The following ANO2 variants were observed in gnomAD, a reference collection of about 807,000 sequenced individuals.
The protein encoded by ANO2 is anoctamin-2.
Under a neutral mutation model 124.2 loss-of-function variants are expected in ANO2, and 101 were observed. That is an observed-to-expected ratio of 0.81 (90% CI 0.69 to 0.96). ANO2 has a LOEUF of 0.96. ANO2 is among the 40% of genes least tolerant of loss of function. ANO2 has a pLI of 0.00. For synonymous variants in ANO2, 486 were observed against 482.5 expected (o/e 1.01, Z -0.09); for missense variants, 1,293 against 1,274.5 (o/e 1.01, Z -0.22).
At chr12:5,916,414 T>C (rs1395529251) in intron 3 of ANO2, among the ~76,000 whole-genome samples, 1 of 144,614 alleles carries the variant, frequency 6.9e-6, no homozygotes, top group Non-Finnish European at 1.5e-5. Flanking sequence ...TAAGAATGCA[T>C]ACAGTTCTGA....
At chr12:5,576,350 G>A (rs1393075517) in intron 22 of ANO2, among the ~76,000 whole-genome samples, 2 of 152,150 alleles carry the variant, frequency 1.3e-5, no homozygotes, top group Non-Finnish European at 1.5e-5. Flanking sequence ...CAGGGTGCAC[G>A]CTTTCCTGAA....
At position 5,914,576 on chromosome 12, in the gene ANO2, G is replaced by A. The variant is rs138383373; in HGVS notation, c.534+6464C>T. ...AAGAACAGCCCGTAGACCTGCTGGC[G>A]ATGCCAGGCCACGCTGAATTTTAAA... is the stretch of plus-strand genomic sequence containing the variant. On this transcript the variant is annotated intron_variant, in intron 3 of 24. Coordinates refer to ENST00000682330, the MANE Select transcript of ANO2 (RefSeq NM_001364791.2). Among the ~76,000 whole-genome samples the A allele has an allele frequency of 3.1e-3, 465 of 152,268 alleles. 2 individuals are homozygous for A. Among genetic ancestry groups the A allele is most frequent in the South Asian group, 0.018 (86 of 4,820 alleles).
chr12:5,860,442 T>C (rs1955229916), intron 3 of ANO2, among the ~76,000 whole-genome samples: 1 of 152,178 alleles, frequency 6.6e-6, no homozygotes, highest in African/African-American at 2.4e-5. Context: ...GCCACCACAG[T>C]ACCTGACGTA....
At position 5,806,038 on chromosome 12, in the gene ANO2, C is replaced by T. The variant is rs375699786; in HGVS notation, c.990+14G>A. 108 of 1,613,138 alleles carry T rather than the reference C, an allele frequency of 6.7e-5. No individual in the cohort carries two copies. The highest frequency in any genetic ancestry group is 8.9e-5 in the East Asian group (4 of 44,840). On this transcript the variant is annotated intron_variant, in intron 9 of 24. Coordinates refer to ENST00000682330, the MANE Select transcript of ANO2 (RefSeq NM_001364791.2). Reference sequence around the variant, plus strand: ...CATGCCCAAAGTCCAGGATGCTGCACGAGGCAGGCTTACCTTCCTGTCATT... The same window carrying T: ...CATGCCCAAAGTCCAGGATGCTGCATGAGGCAGGCTTACCTTCCTGTCATT...
At chr12:5,597,663 C>T (rs530381752) in intron 20 of ANO2, among the ~76,000 whole-genome samples, 10 of 152,278 alleles carry the variant, frequency 6.6e-5, no homozygotes, top group East Asian at 1.9e-4. Flanking sequence ...TTGGTGGCGA[C>T]GGAAGTGGGA....
chr12:5,774,039 C>T (rs1952158783), intron 10 of ANO2, among the ~76,000 whole-genome samples: 2 of 152,212 alleles, frequency 1.3e-5, no homozygotes, highest in South Asian at 4.1e-4. Flanking sequence ...TCCTTCCAAA[C>T]TGAAAAGCAG....
At chr12:5,656,536 T>C (rs1947164858) in intron 14 of ANO2, among the ~76,000 whole-genome samples, 1 of 152,168 alleles carries the variant, frequency 6.6e-6, no homozygotes, top group South Asian at 2.1e-4. Context: ...TGTCCATTCG[T>C]ACTTCTGATG....
At chr12:5,794,711 A>G (rs1952796489) in intron 10 of ANO2, among the ~76,000 whole-genome samples, 1 of 152,154 alleles carries the variant, frequency 6.6e-6, no homozygotes, top group Non-Finnish European at 1.5e-5. Flanking sequence ...CATAACTCCT[A>G]GATCTTAAAG....
chr12:5,735,258 C>T (rs1174920126), intron 13 of ANO2, among the ~76,000 whole-genome samples: 1 of 152,168 alleles, frequency 6.6e-6, no homozygotes, highest in Non-Finnish European at 1.5e-5. Flanking sequence ...ACCAAGTCAT[C>T]ACAGATCATC....
intron 13 of ANO2, among the ~76,000 whole-genome samples, chr12:5,734,922 T>C (rs976133237): frequency 2.0e-5 from 3 of 152,192 alleles, no homozygotes; most frequent in Non-Finnish European, 4.4e-5. Context: ...AGTGCTGGGA[T>C]TACAGGCGTG....
intron 15 of ANO2, among the ~76,000 whole-genome samples, chr12:5,641,317 T>C (rs1323244212): frequency 6.6e-6 from 1 of 152,176 alleles, no homozygotes; most frequent in African/African-American, 2.4e-5. Flanking sequence ...GGCACATGTA[T>C]ACCTAGGTAG....
At chr12:5,922,923 C>A (rs868366657) in intron 1 of ANO2, 119 bp from the exon 2 acceptor site, 28 of 1,087,862 alleles carry the variant, frequency 2.6e-5, no homozygotes, top group Middle Eastern at 5.3e-4. Context: ...TGCTTCACAG[C>A]TGCCTCCTTG....
At chr12:5,807,230 C>G in intron 8 of ANO2, 83 bp downstream of exon 8, 1 of 1,226,568 alleles carries the variant, frequency 8.2e-7, no homozygotes, top group Non-Finnish European at 1.1e-6. Flanking sequence ...TGCAGGTATT[C>G]ACCCATCTCA....
intron 10 of ANO2, among the ~76,000 whole-genome samples, chr12:5,785,639 C>G (rs1952517897): frequency 6.7e-6 from 1 of 150,168 alleles, no homozygotes; most frequent in Admixed American, 6.6e-5. Context: ...GACAAGGGAG[C>G]CCTTCCAGTC....
chr12:5,597,392 CT>C (rs1219123172), intron 20 of ANO2, among the ~76,000 whole-genome samples: 9 of 152,130 alleles, frequency 5.9e-5, no homozygotes, highest in Non-Finnish European at 1.0e-4. Context: ...AGATAATGGC[CT>C]CCATCTCCAT....
intron 10 of ANO2, among the ~76,000 whole-genome samples, chr12:5,780,206 T>C (rs1952347735): frequency 6.6e-6 from 1 of 152,190 alleles, no homozygotes; most frequent in Admixed American, 6.5e-5. Flanking sequence ...TATGCATATA[T>C]TCCTATAGAT....
rs777932149 is a variant in ANO2 at position 5,922,621 on chromosome 12, G to T, written c.206C>A (p.Ser69Tyr). ...PCGGESTRSS[S>Y]VINNYLDANE... ...ACCCCACCCCCGCCCAGTACTCACA[G>T]AGCTGCTGCGGGTGCTCTCTCCACC... Residue 69 changes from serine (S) to tyrosine (Y), a missense_variant and splice_region_variant, in exon 2 of 25, where the codon TCT (serine) becomes TAT (tyrosine). Ser to Tyr is a moderately radical substitution (Grantham distance 144). Coordinates refer to ENST00000682330, the MANE Select transcript of ANO2 (RefSeq NM_001364791.2). The T allele has an allele frequency of 2.9e-5, 28 of 981,606 alleles. No individual in the cohort carries two copies. Among genetic ancestry groups the T allele is most frequent in the Admixed American group, 4.6e-5 (2 of 43,330 alleles). The allele number at this position is 981,606 out of a possible 1,614,324, so 60.8% of individuals were successfully genotyped here.
rs1343309836 is a variant in ANO2 at position 5,673,296 on chromosome 12, A to G, written c.1546-25495T>C. Among the ~76,000 whole-genome samples, 4 of 152,326 alleles carry G rather than the reference A, an allele frequency of 2.6e-5. No homozygotes were observed. In the East Asian group the frequency reaches 7.7e-4, roughly 29 times the overall value. The stretch of plus-strand genomic sequence containing the variant: ...GTGGCTAGCTCAGTGCAGAACCAGA[A>G]GTGGAATCTAGCCTGCTGACTTTTT... On this transcript the variant is annotated intron_variant, in intron 14 of 24. Coordinates refer to ENST00000682330, the MANE Select transcript of ANO2 (RefSeq NM_001364791.2).
intron 14 of ANO2, among the ~76,000 whole-genome samples, chr12:5,683,602 A>T (rs10774362): frequency 0.37 from 56,598 of 151,992 alleles, 12,270 homozygotes; most frequent in East Asian, 0.59. Flanking sequence ...GCCACATCAC[A>T]TGTCCATGTC....
Sources: allele counts gnomAD v4.1 joint callset (sites outside exome capture counted in the v4.1 genomes callset), GRCh38; gene constraint gnomAD v4.1.1; transcripts MANE v1.5; gene names NCBI Gene and HGNC (gene_info 2026-07-23, HGNC 2026-07-21).